GTF2F2: variants seen among roughly 807,000 people sequenced by gnomAD.
GTF2F2 encodes general transcription factor IIF subunit 2.
In GTF2F2, 23 loss-of-function variants were observed where a neutral mutation model predicts 42.2. The ratio of observed to expected loss-of-function variants is 0.55; its 90% confidence interval spans 0.39 to 0.77. GTF2F2 has a LOEUF of 0.77. GTF2F2 is among the 30% of genes least tolerant of loss of function. The probability of loss-of-function intolerance (pLI) is 0.00; values close to 1 mark genes in which losing one functional copy is unlikely to be tolerated. For missense variants in GTF2F2, 261 were observed against 287.2 expected, an observed-to-expected ratio of 0.91 and a Z score of 0.66; for synonymous variants, 105 against 100.8, an observed-to-expected ratio of 1.04 and a Z score of -0.25.
chr13:45,212,479 C>CTTTTCTTTTCT (rs372058595), intron 5 of GTF2F2, among the ~76,000 whole-genome samples: 1 of 111,712 alleles, frequency 9.0e-6, no homozygotes, highest in African/African-American at 3.7e-5. Context: ...TTCTTTCTTT[C>CTTTTCTTTTCT]TTTCTTTCTT....
intron 5 of GTF2F2, among the ~76,000 whole-genome samples, chr13:45,213,854 C>G (rs1873792222): frequency 1.3e-5 from 2 of 152,228 alleles, no homozygotes; most frequent in South Asian, 2.1e-4. Context: ...TTTCTGTGCA[C>G]ACATGTGCAC....
intron 5 of GTF2F2, among the ~76,000 whole-genome samples, chr13:45,224,490 CCTT>C (rs756199998): frequency 1.4e-4 from 22 of 152,058 alleles, no homozygotes; most frequent in Admixed American, 1.2e-3. Context: ...CCCTTTTTTC[CCTT>C]CTTCTTTTCT....
intron 5 of GTF2F2, among the ~76,000 whole-genome samples, chr13:45,224,819 A>G (rs1355189769): frequency 6.6e-6 from 1 of 152,224 alleles, no homozygotes; most frequent in Non-Finnish European, 1.5e-5. Flanking sequence ...ATGCAGTTTC[A>G]GAATCAGTTC....
intron 4 of GTF2F2, among the ~76,000 whole-genome samples, chr13:45,173,632 T>C (rs1871712026): frequency 6.8e-6 from 1 of 148,014 alleles, no homozygotes; most frequent in African/African-American, 2.5e-5. Flanking sequence ...TTTTTTTTTT[T>C]TTTGAGATGG....
intron 5 of GTF2F2, among the ~76,000 whole-genome samples, chr13:45,249,819 T>TG (rs113658266): frequency 0.05 from 7,639 of 152,142 alleles, 256 homozygotes; most frequent in South Asian, 0.082. Flanking sequence ...TAGAGGAGGA[T>TG]GGGGGGCCAA....
intron 1 of GTF2F2, among the ~76,000 whole-genome samples, chr13:45,122,805 A>C (rs1593439587): frequency 1.3e-5 from 2 of 152,156 alleles, no homozygotes; most frequent in African/African-American, 2.4e-5. Flanking sequence ...GTTGCTAAAT[A>C]ATGTTTCTTC....
intron 6 of GTF2F2, among the ~76,000 whole-genome samples, chr13:45,264,479 G>A (rs866829073): frequency 2.6e-5 from 4 of 151,660 alleles, no homozygotes; most frequent in Admixed American, 6.6e-5. Context: ...AGACTTGGCC[G>A]TGCTGGTCTT....
chr13:45,167,818 T>C (rs9595254), intron 4 of GTF2F2, among the ~76,000 whole-genome samples: 15,882 of 152,182 alleles, frequency 0.1, 2,222 homozygotes, highest in African/African-American at 0.32. Context: ...TCCCAAGTGC[T>C]GGAATTACAG....
rs144743041 is a variant in GTF2F2 at position 45,227,664 on chromosome 13, A to G, written c.386+20159A>G. Among the ~76,000 whole-genome samples the G allele has an allele frequency of 1.7e-3, 259 of 152,378 alleles. 1 individual carries two copies. The highest frequency in any genetic ancestry group is 5.9e-3 in the African/African-American group (246 of 41,588). On this transcript the variant is annotated intron_variant, in intron 5 of 7. Transcript: ENST00000340473. ...CTAATGTATTTTAAAAGGAATATAG[A>G]TCAGTAGTTAACATAGTCCCTGATA...
At chr13:45,208,176 C>T (rs903218431) in intron 5 of GTF2F2, among the ~76,000 whole-genome samples, 2 of 151,692 alleles carry the variant, frequency 1.3e-5, no homozygotes, top group Non-Finnish European at 2.9e-5. Context: ...GCCAGAATAT[C>T]GTCCTATTCT....
At chr13:45,270,972 C>G (rs892259669) in intron 7 of GTF2F2, among the ~76,000 whole-genome samples, 1 of 152,118 alleles carries the variant, frequency 6.6e-6, no homozygotes, top group Admixed American at 6.6e-5. Flanking sequence ...GTACAGCATA[C>G]TTGTATTAAA....
At chr13:45,267,130 CAA>C (rs1876595727) in intron 6 of GTF2F2, 101 bp from the exon 7 acceptor site, 3 of 942,258 alleles carry the variant, frequency 3.2e-6, no homozygotes, top group Non-Finnish European at 4.7e-6. Context: ...GCCTGGGCAA[CAA>C]GAGCAAAACT....
chr13:45,153,881 GCAGGAGAATTGTGTGAACC>G (rs1870620643), intron 4 of GTF2F2, among the ~76,000 whole-genome samples: 2 of 149,930 alleles, frequency 1.3e-5, no homozygotes, highest in African/African-American at 2.5e-5. Context: ...GGAAGCTGAA[GCAGGAGAATTGTGTGAACC>G]CAGGAGGTGG....
chr13:45,176,604 A>G (rs1871888195), intron 4 of GTF2F2, among the ~76,000 whole-genome samples: 1 of 152,040 alleles, frequency 6.6e-6, no homozygotes. Flanking sequence ...GTATTTTTTG[A>G]TGAACAGAAG....
chr13:45,229,118 G>A (rs1438053757), intron 5 of GTF2F2, among the ~76,000 whole-genome samples: 1 of 152,126 alleles, frequency 6.6e-6, no homozygotes, highest in African/African-American at 2.4e-5. Flanking sequence ...CCTGACCTCA[G>A]GTGATCTGCC....
intron 4 of GTF2F2, among the ~76,000 whole-genome samples, chr13:45,163,028 A>G (rs1164990749): frequency 1.3e-5 from 2 of 150,412 alleles, no homozygotes; most frequent in Non-Finnish European, 3.0e-5. Context: ...CTCAAAACAA[A>G]ATCTTTATAG....
chr13:45,125,595 T>A (rs1048689151), intron 1 of GTF2F2, among the ~76,000 whole-genome samples: 6 of 152,216 alleles, frequency 3.9e-5, no homozygotes, highest in Admixed American at 3.3e-4. Context: ...GTACTGGGAT[T>A]ACCGGTGTGA....
intron 4 of GTF2F2, among the ~76,000 whole-genome samples, chr13:45,181,442 A>T (rs1872164480): frequency 6.6e-6 from 1 of 152,146 alleles, no homozygotes; most frequent in East Asian, 1.9e-4. Context: ...GAATCCTTAA[A>T]TGAATAACCA....
chr13:45,238,592 G>A (rs541879305), intron 5 of GTF2F2, among the ~76,000 whole-genome samples: 16 of 152,056 alleles, frequency 1.1e-4, no homozygotes, highest in African/African-American at 3.4e-4. Context: ...CTTTCGAGAT[G>A]AAAAGCAGTT....
Sources: gnomAD v4.1 joint callset for allele counts (sites outside exome capture counted in the v4.1 genomes callset) on GRCh38, gnomAD v4.1.1 for gene constraint, MANE v1.5 for transcripts, NCBI Gene and HGNC (gene_info 2026-07-23, HGNC 2026-07-21) for gene names.